SCNN1A: variants seen among roughly 807,000 people sequenced by gnomAD.
SCNN1A encodes the protein sodium channel epithelial 1 subunit alpha.
A neutral mutation model predicts 68.6 loss-of-function variants in SCNN1A; 65 were observed. The ratio of observed to expected loss-of-function variants is 0.95; its 90% CI spans 0.78 to 1.16. The LOEUF is 1.16. Ranked by LOEUF, SCNN1A falls within the 50% of genes most tolerant of loss-of-function variation. SCNN1A has a pLI of 0.00. For synonymous variants in SCNN1A, 357 were observed against 353.3 expected (o/e 1.01, Z -0.12); for missense variants, 880 against 865.9 (o/e 1.02, Z -0.20).
rs954352309 is a variant in SCNN1A, at chr12:6,348,869, A to G, written c.1554-67T>C. On this transcript the variant is annotated intron_variant, in intron 11 of 12. Coordinates refer to ENST00000228916, the MANE Select transcript of SCNN1A (RefSeq NM_001038.6). ...GAATTTCCTGGACCTTCCTCTAATC[A>G]ACCATATCGATCCCTCTTCTTAGGT... is the stretch of plus-strand genomic sequence containing the variant. 4 of 1,601,810 alleles carry G rather than the reference A, an allele frequency of 2.5e-6. No individual in the cohort carries two copies. In the African/African-American group the frequency reaches 5.4e-5, roughly 21 times the overall value.
rs1292147046 is a variant in SCNN1A, at chr12:6,354,977, T to C, written c.1144-129A>G. 4.8e-6 allele frequency: 4 copies of C among 838,440 alleles called. No homozygotes were observed. In the African/African-American group the frequency reaches 5.0e-5, roughly 10 times the overall value. The allele number at this position is 838,440 out of a possible 1,614,324, so 51.9% of individuals were successfully genotyped here. On this transcript the variant is annotated intron_variant, in intron 6 of 12. Coordinates refer to ENST00000228916, the MANE Select transcript of SCNN1A (RefSeq NM_001038.6). ...CTACTGGCCTCGCCCTCTCAATACA[T>C]GCTTCCAGCCACCCCCATGCCCACC...
At chr12:6,352,731 C>T (rs1003182821) in intron 8 of SCNN1A, among the ~76,000 whole-genome samples, 14 of 152,206 alleles carry the variant, frequency 9.2e-5, no homozygotes, top group African/African-American at 3.4e-4. Context: ...CCTCTAAGGT[C>T]AGAGAGACAG....
upstream of SCNN1A, chr12:6,377,173 C>T (rs914758257): frequency 1.6e-6 from 2 of 1,257,598 alleles, no homozygotes; most frequent in African/African-American, 1.5e-5. Context: ...GTGGCTTCCT[C>T]TCTTGCGGCA....
At chr12:6,365,026 CTT>C (rs56408845) in intron 2 of SCNN1A, among the ~76,000 whole-genome samples, 11 of 136,724 alleles carry the variant, frequency 8.0e-5, no homozygotes, top group Non-Finnish European at 7.8e-5. Context: ...AAAATTCCAG[CTT>C]TTTTTTTTTT....
chr12:6,348,678 CTAAG>C (rs766402575), intron 12 of SCNN1A, 45 bp downstream of exon 12: 14 of 1,512,950 alleles, frequency 9.3e-6, no homozygotes, highest in Non-Finnish European at 1.3e-5. Flanking sequence ...AGCCGCCCTG[CTAAG>C]TAAGACCCCC....
At chr12:6,354,576 G>T in intron 7 of SCNN1A, 21 bp from the exon 8 acceptor site, 1 of 1,571,128 alleles carries the variant, frequency 6.4e-7, no homozygotes, top group Non-Finnish European at 8.8e-7. Flanking sequence ...GGAGGGTGGA[G>T]AGGAGAGGGG....
chr12:6,369,376 G>GCCACCCTACGCCCCTCCCT (rs1206838851), intron 2 of SCNN1A, among the ~76,000 whole-genome samples: 1 of 145,712 alleles, frequency 6.9e-6, no homozygotes. Context: ...CCTCCCTCCT[G>GCCACCCTACGCCCCTCCCT]CCTGGCCTCA....
At chr12:6,368,593 C>T (rs1948720545) in intron 2 of SCNN1A, among the ~76,000 whole-genome samples, 1 of 152,352 alleles carries the variant, frequency 6.6e-6, no homozygotes. Flanking sequence ...TTAGCTAACA[C>T]AATTGTCATT....
chr12:6,374,904 A>T lies in SCNN1A; in HGVS notation c.-54-67T>A. 1 of 1,611,290 alleles carries T rather than the reference A, an allele frequency of 6.2e-7. No homozygotes were observed. Among genetic ancestry groups the T allele is most frequent in the South Asian group, 1.1e-5 (1 of 90,740 alleles). ...GGTCAAGGCTGAGCTCTGGGCCCTG[A>T]GTGCCCTCTCCCATCACCCCTGGAA... On this transcript the variant is annotated intron_variant, in intron 1 of 12. Coordinates refer to ENST00000228916, the MANE Select transcript of SCNN1A (RefSeq NM_001038.6). This position sits in a 1 kb window ranked among gnomAD's most constrained non-coding sequence, Gnocchi z 6.2.
At chr12:6,371,328 C>T (rs1948785939) in intron 2 of SCNN1A, among the ~76,000 whole-genome samples, 1 of 152,012 alleles carries the variant, frequency 6.6e-6, no homozygotes, top group Non-Finnish European at 1.5e-5. Context: ...TCCCTCCCTC[C>T]TGCACGCCTG....
intron 2 of SCNN1A, among the ~76,000 whole-genome samples, chr12:6,364,383 C>A (rs2041375): frequency 0.25 from 37,431 of 152,038 alleles, 4,843 homozygotes; most frequent in South Asian, 0.35. Context: ...TGAGGGATGT[C>A]ATCTACCAAA....
intron 8 of SCNN1A, 60 bp from the exon 9 acceptor site, chr12:6,349,465 C>T (rs1164474558): frequency 8.0e-7 from 1 of 1,242,964 alleles, no homozygotes. Flanking sequence ...TACCCCACAC[C>T]CAAGAGGTCT....
chr12:6,357,195 T>C (rs1002868807), intron 4 of SCNN1A, among the ~76,000 whole-genome samples: 1 of 151,914 alleles, frequency 6.6e-6, no homozygotes, highest in Non-Finnish European at 1.5e-5. Flanking sequence ...ACAAGTATAA[T>C]GGTGGGTGCT....
Position 6,366,724 on chromosome 12 carries a change from C to T in SCNN1A, c.417-3014G>A, listed in dbSNP as rs1053347470. ...CTGAGGCAGGAGAATCGCTTGAACC[C>T]GGGAGGCGGAGGTTGCAGGGAGCCA... On this transcript the variant is annotated intron_variant, in intron 2 of 12. Transcript: ENST00000228916. Among the ~76,000 whole-genome samples the T allele has an allele frequency of 1.1e-4, 17 of 151,608 alleles. No homozygotes were observed. The East Asian group carries it at 2.9e-3, about 26-fold the overall frequency.
intron 2 of SCNN1A, among the ~76,000 whole-genome samples, chr12:6,371,241 C>T (rs1329894041): frequency 6.6e-6 from 1 of 151,970 alleles, no homozygotes; most frequent in Non-Finnish European, 1.5e-5. Context: ...ATTCACTGCG[C>T]TCCCGGTGAT....
Position 6,347,821 on chromosome 12 carries a change from C to A in SCNN1A, c.*52G>T, listed in dbSNP as rs1254752569. On this transcript the variant is annotated 3_prime_UTR_variant, in exon 13 of 13. Coordinates refer to ENST00000228916, the MANE Select transcript of SCNN1A (RefSeq NM_001038.6). ...TCCTTCAATCTTGCCAGGGCCAGCA[C>A]CCTCCCACCAGAGGAGCATCTGCCT... 1.0e-5 allele frequency: 15 copies of A among 1,501,066 alleles called. No individual in the cohort carries two copies. Among genetic ancestry groups the A allele is most frequent in the Non-Finnish European group, 1.3e-5 (14 of 1,089,696 alleles). 93.0% of individuals were successfully genotyped at this position (1,501,066 alleles called of 1,614,324 possible).
At chr12:6,358,839 AAC>A (rs1395101395) in intron 4 of SCNN1A, among the ~76,000 whole-genome samples, 3 of 146,104 alleles carry the variant, frequency 2.1e-5, no homozygotes, top group African/African-American at 8.0e-5. Context: ...CAGCCTGGGT[AAC>A]AGAGTGAGAA....
chr12:6,357,905 G>A (rs1948524361), intron 4 of SCNN1A, among the ~76,000 whole-genome samples: 1 of 152,240 alleles, frequency 6.6e-6, no homozygotes, highest in South Asian at 2.1e-4. Flanking sequence ...AGCTGAGGCA[G>A]GAGAATCACT....
In SCNN1A at chr12:6,374,716, C is replaced by T; in HGVS notation, c.68G>A (p.Gly23Glu). The stretch of plus-strand genomic sequence containing the variant: ...CAGCCCCTGCTCCTCACGCTTGTTC[C>T]CCTTCATGAGCCCTGGAGTGGACTG... ...PPQSTPGLMK[G>E]NKREEQGLGP... The change falls in exon 2 of 13, where the codon GGG becomes GAG. Residue 23 changes from glycine to glutamate, a missense_variant. By Grantham distance (98) the Gly-to-Glu change is moderately conservative. Around this residue, in one of 3 missense-constraint regions of SCNN1A, gnomAD observed 77 missense variants for 67.4 expected, o/e 1.14. Transcript: ENST00000228916. This position sits in a 1 kb window ranked among gnomAD's most constrained non-coding sequence, Gnocchi z 6.2. The T allele has an allele frequency of 6.2e-7, 1 of 1,614,154 alleles. No individual in the cohort carries two copies. The highest frequency in any genetic ancestry group is 8.5e-7 in the Non-Finnish European group (1 of 1,180,012).
Sources: gnomAD v4.1 joint callset for allele counts (sites outside exome capture counted in the v4.1 genomes callset) on GRCh38, gnomAD v4.1.1 for gene constraint, gnomAD v4.1.1 regional missense constraint, Gnocchi (gnomAD v3.1) non-coding constraint, MANE v1.5 for transcripts, NCBI Gene and HGNC (gene_info 2026-07-23, HGNC 2026-07-21) for gene names.